COX15: variants seen among roughly 807,000 people sequenced by gnomAD.
COX15 encodes cytochrome c oxidase assembly factor COX15, also known as heme A synthase COX15.
Under a neutral mutation model 51.9 loss-of-function variants are expected in COX15, and 51 were observed. That is an observed-to-expected ratio of 0.98 (90% confidence interval 0.78 to 1.24). COX15 has a LOEUF of 1.24. Among genes scored for constraint, COX15 ranks in the 50% most tolerant of loss-of-function variants. The pLI is 0.00. For missense variants in COX15, 420 were observed against 501.1 expected (o/e 0.84, Z 1.55); for synonymous variants, 188 against 190.5 (o/e 0.99, Z 0.11).
Position 99,727,060 on chromosome 10 carries a change from T to G in COX15, c.490A>C (p.Ile164Leu), listed in dbSNP as rs749525116. The G allele has an allele frequency of 1.2e-6, 2 of 1,614,036 alleles. No individual in the cohort carries two copies. Among genetic ancestry groups the G allele is most frequent in the South Asian group, 1.1e-5 (1 of 91,090 alleles). The change falls in exon 4 of 9, where the codon ATC becomes CTC. Residue 164 changes from isoleucine (I) to leucine (L), a missense_variant. By Grantham distance (5) the Ile-to-Leu change is conservative (BLOSUM62 2). Transcript: ENST00000016171. The part of the protein sequence containing the change: ...MWGRLVGLVY[I>L]LPAAYFWRKG... ...CTCCAAAAGTAGGCAGCAGGCAGGA[T>G]GTACACAAGGCCTACAAGGCGACCC...
At chr10:99,708,166 C>A (rs1225526472), downstream of COX15, among the ~76,000 whole-genome samples, 1 of 152,130 alleles carries the variant, frequency 6.6e-6, no homozygotes, top group African/African-American at 2.4e-5. Context: ...CCTGCCCCAC[C>A]CCCTCCTCAT....
intron 8 of COX15, among the ~76,000 whole-genome samples, chr10:99,715,254 C>T (rs1429401830): frequency 2.0e-5 from 3 of 152,188 alleles, no homozygotes; most frequent in Non-Finnish European, 4.4e-5. Flanking sequence ...TCTCCTGCCT[C>T]AGCCTCCCAA....
At chr10:99,714,840 C>A (rs2036516659) in intron 8 of COX15, 122 bp from the exon 9 acceptor site, 1 of 1,524,078 alleles carries the variant, frequency 6.6e-7, no homozygotes, top group Admixed American at 1.9e-5. Flanking sequence ...TTAAAATACA[C>A]ACATTTTTAA....
At position 99,712,457 on chromosome 10, in the gene COX15, C is replaced by A; in HGVS notation, c.*2130G>T. On this transcript the variant is annotated 3_prime_UTR_variant, in exon 9 of 9. Transcript: ENST00000016171. Reference sequence around the variant, plus strand: ...TTTTAAAAAACAGAAGATTTGCTGACTTAAACACTGCAAAATTAAACATTT... The same window carrying A: ...TTTTAAAAAACAGAAGATTTGCTGAATTAAACACTGCAAAATTAAACATTT... 1 of 985,356 alleles carries A rather than the reference C, an allele frequency of 1.0e-6. No individual in the cohort carries two copies. The allele number at this position is 985,356 out of a possible 1,614,324, so 61.0% of individuals were successfully genotyped here.
the COX15 span, among the ~76,000 whole-genome samples, chr10:99,699,257 G>C: frequency 2.0e-5 from 3 of 152,208 alleles, no homozygotes; most frequent in African/African-American, 7.2e-5. Flanking sequence ...ATATCACCCA[G>C]AGGGGCAAGC....
chr10:99,711,800 A>G lies in COX15; in HGVS notation c.*2787T>C. The G allele has an allele frequency of 1.0e-6, 1 of 985,422 alleles. No individual in the cohort carries two copies. The allele number at this position is 985,422 out of a possible 1,614,324, so 61.0% of individuals were successfully genotyped here. A position where few individuals can be genotyped will look rare whatever the true frequency, so the allele number is the denominator to read the frequency against. On this transcript the variant is annotated 3_prime_UTR_variant, in exon 9 of 9. Coordinates refer to ENST00000016171, the MANE Select transcript of COX15 (RefSeq NM_078470.6). ...TTGACAAACTGTTTTGCTAAGAATC[A>G]CCTGTGTTAGTCGGCTTGCATTGCT...
rs1183948555 is a variant in COX15, at chr10:99,711,305, G to A, written c.*3282C>T. On this transcript the variant is annotated 3_prime_UTR_variant, in exon 9 of 9. Transcript: ENST00000016171. ...GAAGCATTAATATATGGTTCTTTGG[G>A]TTGGGTCATACTGCCCTCTGCTGAC... The A allele has an allele frequency of 3.0e-6, 3 of 985,410 alleles. No individual in the cohort carries two copies. The highest frequency in any genetic ancestry group is 2.4e-6 in the Non-Finnish European group (2 of 829,938). The allele number at this position is 985,410 out of a possible 1,614,324, so 61.0% of individuals were successfully genotyped here. A position where few individuals can be genotyped will look rare whatever the true frequency, so the allele number is the denominator to read the frequency against.
chr10:99,713,372 T>C lies in COX15; in HGVS notation c.*1215A>G. On this transcript the variant is annotated 3_prime_UTR_variant, in exon 9 of 9. Transcript: ENST00000016171. Reference sequence around the variant, plus strand: ...CTGGGACTGTTTTCAGTTGCCACTGTCATCTATTATATTAGCAATATTGGG... The same window carrying C: ...CTGGGACTGTTTTCAGTTGCCACTGCCATCTATTATATTAGCAATATTGGG... The C allele has an allele frequency of 6.2e-7, 1 of 1,613,732 alleles. No individual in the cohort carries two copies. The highest frequency in any genetic ancestry group is 1.1e-5 in the South Asian group (1 of 91,084).
the COX15 span, chr10:99,702,771 A>G: frequency 1.6e-6 from 2 of 1,216,500 alleles, no homozygotes; most frequent in African/African-American, 1.6e-5. Flanking sequence ...CCAGCTTAGA[A>G]TAGGTCTTAA....
In COX15 at chr10:99,731,529, C is replaced by T. The variant is rs544260625; in HGVS notation, c.90+431G>A. On this transcript the variant is annotated intron_variant, in intron 1 of 8. Coordinates refer to ENST00000016171, the MANE Select transcript of COX15 (RefSeq NM_078470.6). ...TTCCTATTTCTGATTAACTGAGTCA[C>T]CTTTAGAAAAGTAACTTTAAGCCTC... is the stretch of plus-strand genomic sequence containing the variant. 3.3e-5 allele frequency among the ~76,000 whole-genome samples: 5 copies of T among 152,294 alleles called. No homozygotes were observed. The East Asian group carries it at 9.6e-4, about 29-fold the overall frequency.
the COX15 span, chr10:99,700,831 G>C: frequency 2.2e-5 from 16 of 728,664 alleles, no homozygotes; most frequent in Non-Finnish European, 3.2e-5. Context: ...GCAGTGTTTA[G>C]TGAATGAACA....
rs574033399 is a variant in COX15, at chr10:99,711,992, G to A, written c.*2595C>T. ...GGGGAGCCAGTGTGTCACATGGTGA[G>A]AGAGAGCAAGCGAGAGAGGAGGAAG... On this transcript the variant is annotated 3_prime_UTR_variant, in exon 9 of 9. Coordinates refer to ENST00000016171, the MANE Select transcript of COX15 (RefSeq NM_078470.6). 9.7e-6 allele frequency: 3 copies of A among 310,700 alleles called. No individual in the cohort carries two copies. Among genetic ancestry groups the A allele is most frequent in the South Asian group, 2.5e-4 (2 of 7,902 alleles). The allele number at this position is 310,700 out of a possible 1,614,324, so 19.2% of individuals were successfully genotyped here.
At chr10:99,709,829 G>A (rs951883284), downstream of COX15, 2 of 985,074 alleles carry the variant, frequency 2.0e-6, no homozygotes, top group African/African-American at 3.5e-5. Flanking sequence ...CAGTTTGTCA[G>A]TACCGTTATC....
chr10:99,731,655 C>A (rs1422533911), intron 1 of COX15, among the ~76,000 whole-genome samples: 1 of 152,178 alleles, frequency 6.6e-6, no homozygotes, highest in Admixed American at 6.5e-5. Context: ...TCAGCTTTTA[C>A]CATGTGCTAA....
chr10:99,697,028 G>A, the COX15 span, among the ~76,000 whole-genome samples: 149 of 152,280 alleles, frequency 9.8e-4, 1 homozygote, highest in Middle Eastern at 6.8e-3. Context: ...ATTTAGCTAC[G>A]AACACTAGCT....
At chr10:99,719,366 C>T (rs949683699) in intron 6 of COX15, among the ~76,000 whole-genome samples, 3 of 151,682 alleles carry the variant, frequency 2.0e-5, no homozygotes, top group Non-Finnish European at 2.9e-5. Flanking sequence ...ACTATAGGTG[C>T]GCCCTTTGGT....
At chr10:99,725,379 T>C (rs2036915987) in intron 4 of COX15, among the ~76,000 whole-genome samples, 1 of 152,232 alleles carries the variant, frequency 6.6e-6, no homozygotes, top group African/African-American at 2.4e-5. Flanking sequence ...CCATACCTTA[T>C]CTGACATCTT....
At chr10:99,728,241 A>G (rs1286392496) in intron 2 of COX15, among the ~76,000 whole-genome samples, 1 of 152,192 alleles carries the variant, frequency 6.6e-6, no homozygotes, top group Non-Finnish European at 1.5e-5. Flanking sequence ...AAGTCACTAG[A>G]GCCAATTTCA....
At chr10:99,728,719 A>C (rs2037040224) in intron 2 of COX15, among the ~76,000 whole-genome samples, 1 of 152,220 alleles carries the variant, frequency 6.6e-6, no homozygotes, top group African/African-American at 2.4e-5. Context: ...ATTCACAGGA[A>C]ATAGACGGGA....
Sources: allele counts gnomAD v4.1 joint callset (sites outside exome capture counted in the v4.1 genomes callset), GRCh38; gene constraint gnomAD v4.1.1; transcripts MANE v1.5; gene names NCBI Gene and HGNC (gene_info 2026-07-23, HGNC 2026-07-21).